DERA: variants seen among roughly 807,000 people sequenced by gnomAD.
DERA encodes the protein deoxyribose-phosphate aldolase, also known as 2-deoxy-D-ribose 5-phosphate aldolase.
DERA carries 15 observed loss-of-function variants against 41.1 expected under a neutral mutation model. The ratio of observed to expected loss-of-function variants is 0.37; its 90% CI spans 0.24 to 0.56. The LOEUF is 0.56. Among genes scored for constraint, DERA ranks in the 20% least tolerant of loss-of-function variants. The probability of loss-of-function intolerance (pLI) is 0.81; values close to 1 mark genes in which losing one functional copy is unlikely to be tolerated. For synonymous variants in DERA, 139 were observed against 137.4 expected (o/e 1.01, Z -0.08); for missense variants, 396 against 403.4 (o/e 0.98, Z 0.16).
rs1243142130 is a variant in DERA at position 15,959,407 on chromosome 12, A to G, written c.278-422A>G. 1.3e-5 allele frequency among the ~76,000 whole-genome samples: 2 copies of G among 152,050 alleles called. No individual in the cohort carries two copies. The highest frequency in any genetic ancestry group is 4.8e-5 in the African/African-American group (2 of 41,394). On this transcript the variant is annotated intron_variant, in intron 3 of 8. Coordinates refer to ENST00000428559, the MANE Select transcript of DERA (RefSeq NM_015954.4). The surrounding 1 kb of genome is among the most constrained non-coding windows in gnomAD (Gnocchi z 4.5). ...AGTTAAATGTCATTTTTGTGGTACC[A>G]CCCTCTAAATTGTACTTATATTTGT...
chr12:15,947,682 TTA>T (rs1265517936), intron 1 of DERA, among the ~76,000 whole-genome samples: 8 of 152,252 alleles, frequency 5.3e-5, no homozygotes, highest in African/African-American at 1.9e-4. Flanking sequence ...TCTGTGTCTT[TTA>T]ATTGGACCAT....
Position 16,036,501 on chromosome 12 carries a change from C to A in DERA, c.900+120C>A. On this transcript the variant is annotated intron_variant, in intron 8 of 8. Coordinates refer to ENST00000428559, the MANE Select transcript of DERA (RefSeq NM_015954.4). The surrounding 1 kb of genome is among the most constrained non-coding windows in gnomAD (Gnocchi z 4.9). ...CTGATTGACCTCATCCTACCCAATC[C>A]TCTACCTTTTCTTCCAAGCAAACCG... 8.0e-7 allele frequency: 1 copy of A among 1,245,090 alleles called. No individual in the cohort carries two copies. The highest frequency in any genetic ancestry group is 1.1e-6 in the Non-Finnish European group (1 of 902,958). The allele number at this position is 1,245,090 out of a possible 1,614,324, so 77.1% of individuals were successfully genotyped here. A position where few individuals can be genotyped will look rare whatever the true frequency, so the allele number is the denominator to read the frequency against.
At chr12:16,002,873 C>G (rs1362748905) in intron 6 of DERA, among the ~76,000 whole-genome samples, 1 of 152,162 alleles carries the variant, frequency 6.6e-6, no homozygotes, top group Non-Finnish European at 1.5e-5. Context: ...AAATCTCCTC[C>G]CCTGCCCCAG....
Position 16,036,906 on chromosome 12 carries a change from C to T in DERA, c.*160C>T, listed in dbSNP as rs1053227408. On this transcript the variant is annotated 3_prime_UTR_variant, in exon 9 of 9. Transcript: ENST00000428559. The surrounding 1 kb of genome is among the most constrained non-coding windows in gnomAD (Gnocchi z 4.9). ...CTTAATGGAATGGAAAAAGCAAACT[C>T]ATCCACATGTGGTACTCATTTCAGG... The T allele has an allele frequency of 3.3e-6, 2 of 612,612 alleles. No homozygotes were observed. Among genetic ancestry groups the T allele is most frequent in the Non-Finnish European group, 5.8e-6 (2 of 346,934 alleles). The allele number at this position is 612,612 out of a possible 1,614,324, so 37.9% of individuals were successfully genotyped here.
rs563717989 is a variant in DERA at position 15,985,198 on chromosome 12, T to C, written c.637+2762T>C. On this transcript the variant is annotated intron_variant, in intron 6 of 8. Transcript: ENST00000428559. This position sits in a 1 kb window ranked among gnomAD's most constrained non-coding sequence, Gnocchi z 4.2. ...AACCACTTTTCTACTTTTATCACCA[T>C]GCTTAGCTTTGCCAGTATTAGAACA... is the stretch of plus-strand genomic sequence containing the variant. 2.4e-4 allele frequency: 37 copies of C among 152,418 alleles called. No homozygotes were observed. The highest frequency in any genetic ancestry group is 8.7e-4 in the African/African-American group (36 of 41,592). 9.4% of individuals were successfully genotyped at this position (152,418 alleles called of 1,614,324 possible).
In DERA at chr12:15,993,286, GT is replaced by G. The variant is rs1224827517; in HGVS notation, c.637+10851del. ...AAATGTGGTGATTAATAGGAAATTA[GT>G]ATCTAAGATTTTAAAAAATATATTT... is the stretch of plus-strand genomic sequence containing the variant. On this transcript the variant is annotated intron_variant, in intron 6 of 8. Transcript: ENST00000428559. The surrounding 1 kb of genome is among the most constrained non-coding windows in gnomAD (Gnocchi z 4.4). Among the ~76,000 whole-genome samples the G allele has an allele frequency of 2.6e-5, 4 of 152,204 alleles. No individual in the cohort carries two copies. Among genetic ancestry groups the G allele is most frequent in the African/African-American group, 9.6e-5 (4 of 41,546 alleles).
At chr12:15,932,477 C>T (rs941319337) in intron 1 of DERA, among the ~76,000 whole-genome samples, 19 of 151,942 alleles carry the variant, frequency 1.3e-4, no homozygotes, top group Admixed American at 2.6e-4. Flanking sequence ...TGACAAAACC[C>T]CATCTCCATA....
chr12:16,023,473 C>CTTTTTTT (rs58250786), intron 6 of DERA, among the ~76,000 whole-genome samples: 8 of 111,874 alleles, frequency 7.2e-5, no homozygotes, highest in African/African-American at 2.7e-4. Context: ...AACTCAAAGT[C>CTTTTTTT]TTTTTTTTTT....
chr12:15,939,004 G>C (rs1029520163), intron 1 of DERA, among the ~76,000 whole-genome samples: 1 of 152,134 alleles, frequency 6.6e-6, no homozygotes, highest in Non-Finnish European at 1.5e-5. Flanking sequence ...ATTCTGGGCT[G>C]ACCCTGTAAG....
At chr12:15,930,565 C>G (rs1948320058) in intron 1 of DERA, among the ~76,000 whole-genome samples, 1 of 152,134 alleles carries the variant, frequency 6.6e-6, no homozygotes, top group Non-Finnish European at 1.5e-5. Flanking sequence ...TGTTCATACA[C>G]TATTACTTAA....
At chr12:15,987,921 G>T (rs58923759) in intron 6 of DERA, among the ~76,000 whole-genome samples, 9,825 of 152,192 alleles carry the variant, frequency 0.065, 1,018 homozygotes, top group African/African-American at 0.22. Context: ...GTGAGTGAGT[G>T]CACGCGGGGT....
At chr12:15,962,772 C>T (rs1403860001) in intron 4 of DERA, 41 bp from the exon 5 acceptor site, 9 of 1,498,006 alleles carry the variant, frequency 6.0e-6, no homozygotes, top group East Asian at 2.5e-5. Context: ...TCTTTCTTCC[C>T]TCCTTCCCTC....
At chr12:15,956,692 T>G (rs961288318) in intron 1 of DERA, 130 of 548,772 alleles carry the variant, frequency 2.4e-4, no homozygotes, top group East Asian at 3.4e-4. Flanking sequence ...TATAGGCTGG[T>G]ACAGAAGCAA....
Position 15,913,473 on chromosome 12 carries a change from A to C in DERA, c.31+2059A>C, listed in dbSNP as rs939286299. ...TTTTTAAAATAGTTTTCTAATTGAA[A>C]GTCTTTTTAATAAACATCGTAACTA... is the stretch of plus-strand genomic sequence containing the variant. On this transcript the variant is annotated intron_variant, in intron 1 of 8. Coordinates refer to ENST00000428559, the MANE Select transcript of DERA (RefSeq NM_015954.4). This position sits in a 1 kb window ranked among gnomAD's most constrained non-coding sequence, Gnocchi z 4.5. Among the ~76,000 whole-genome samples, 1 of 152,358 alleles carries C rather than the reference A, an allele frequency of 6.6e-6. No homozygotes were observed. The highest frequency in any genetic ancestry group is 1.5e-5 in the Non-Finnish European group (1 of 68,022).
At chr12:15,997,039 T>C (rs978060131) in intron 6 of DERA, among the ~76,000 whole-genome samples, 9 of 152,238 alleles carry the variant, frequency 5.9e-5, no homozygotes, top group Non-Finnish European at 1.3e-4. Flanking sequence ...GAGTGACATA[T>C]AGCACAAGCC....
chr12:15,952,685 A>G (rs971565431), intron 1 of DERA, among the ~76,000 whole-genome samples: 4 of 152,202 alleles, frequency 2.6e-5, no homozygotes, highest in Admixed American at 2.0e-4. Context: ...TTTGAAATCT[A>G]TGTATTTTAC....
rs967518659 is a variant in DERA, at chr12:16,019,984, TA to T, written c.638-12554del. Among the ~76,000 whole-genome samples the T allele has an allele frequency of 2.0e-5, 3 of 152,100 alleles. No individual in the cohort carries two copies. The highest frequency in any genetic ancestry group is 7.2e-5 in the African/African-American group (3 of 41,420). Reference sequence around the variant, plus strand: ...TGAGCTCACATGAGATCTGGTTTTTTAAAAGAGCATGGCACCTCCCCGCATC... The same window carrying T: ...TGAGCTCACATGAGATCTGGTTTTTTAAAGAGCATGGCACCTCCCCGCATC... On this transcript the variant is annotated intron_variant, in intron 6 of 8. Transcript: ENST00000428559. The surrounding 1 kb of genome is among the most constrained non-coding windows in gnomAD (Gnocchi z 4.4).
At position 15,984,221 on chromosome 12, in the gene DERA, C is replaced by G. The variant is rs1031605961; in HGVS notation, c.637+1785C>G. On this transcript the variant is annotated intron_variant, in intron 6 of 8. Coordinates refer to ENST00000428559, the MANE Select transcript of DERA (RefSeq NM_015954.4). The surrounding 1 kb of genome is among the most constrained non-coding windows in gnomAD (Gnocchi z 4.5). ...CTGTTACCCCAGCTGTTATCCTGGT[C>G]ACAATGAAAGTGTATTCATTCTGGG... 5.3e-5 allele frequency among the ~76,000 whole-genome samples: 8 copies of G among 152,112 alleles called. No individual in the cohort carries two copies. Among genetic ancestry groups the G allele is most frequent in the African/African-American group, 1.4e-4 (6 of 41,418 alleles).
chr12:16,009,290 G>A lies in DERA; in HGVS notation c.638-23252G>A, dbSNP rs1948932662. On this transcript the variant is annotated intron_variant, in intron 6 of 8. Transcript: ENST00000428559. This position sits in a 1 kb window ranked among gnomAD's most constrained non-coding sequence, Gnocchi z 5.3. ...GGATTAAATTCAGCCCCTGGAGAGT[G>A]GAAATCCTAGGGTTTTATTCTTTTA... Among the ~76,000 whole-genome samples, 1 of 152,092 alleles carries A rather than the reference G, an allele frequency of 6.6e-6. No homozygotes were observed. Among genetic ancestry groups the A allele is most frequent in the African/African-American group, 2.4e-5 (1 of 41,406 alleles).
Sources: allele counts gnomAD v4.1 joint callset (sites outside exome capture counted in the v4.1 genomes callset), GRCh38; gene constraint gnomAD v4.1.1; non-coding constraint Gnocchi (gnomAD v3.1); transcripts MANE v1.5; gene names NCBI Gene and HGNC (gene_info 2026-07-23, HGNC 2026-07-21).